ERG: variants seen among roughly 807,000 people sequenced by gnomAD.
The protein encoded by ERG is transcriptional regulator ERG.
A neutral mutation model predicts 55.3 loss-of-function variants in ERG; 9 were observed. That is an observed-to-expected ratio of 0.16 (90% CI 0.10 to 0.28). The LOEUF is 0.28. Ranked by LOEUF, ERG falls within the 10% of genes least tolerant of loss-of-function variation. The pLI is 1.00. For missense variants in ERG, 434 were observed against 631.6 expected (o/e 0.69, Z 3.35); for synonymous variants, 223 against 237.3 (o/e 0.94, Z 0.55).
At chr21:38,378,868 T>C (rs1987311336), downstream of ERG, among the ~76,000 whole-genome samples, 1 of 152,214 alleles carries the variant, frequency 6.6e-6, no homozygotes, top group South Asian at 2.1e-4. Flanking sequence ...GGAACAAGCA[T>C]TTGTTGCACC....
downstream of ERG, among the ~76,000 whole-genome samples, chr21:38,376,189 T>C (rs565098070): frequency 1.3e-5 from 2 of 152,338 alleles, no homozygotes; most frequent in African/African-American, 4.8e-5. Context: ...ATGCCCTATG[T>C]CACATTAGTG....
intron 3 of ERG, 92 bp downstream of exon 3, chr21:38,423,318 G>C (rs896753822): frequency 7.4e-7 from 1 of 1,356,816 alleles, no homozygotes; most frequent in Non-Finnish European, 1.0e-6. Context: ...TGTGATCAAT[G>C]CCACAGGTGG....
intron 1 of ERG, among the ~76,000 whole-genome samples, chr21:38,461,581 T>C (rs1211290136): frequency 1.3e-5 from 2 of 152,176 alleles, no homozygotes; most frequent in Non-Finnish European, 2.9e-5. Context: ...GCTCTGTAGG[T>C]CAGTCATTCT....
At chr21:38,433,656 G>A (rs1487257891) in intron 2 of ERG, among the ~76,000 whole-genome samples, 3 of 152,170 alleles carry the variant, frequency 2.0e-5, no homozygotes, top group Non-Finnish European at 4.4e-5. Context: ...CAGCCCTTGT[G>A]AGTGTGAATG....
chr21:38,552,289 T>C (rs1447369717), intron 2 of ERG, among the ~76,000 whole-genome samples: 3 of 152,124 alleles, frequency 2.0e-5, no homozygotes, highest in African/African-American at 7.2e-5. Flanking sequence ...ACTGAAACTA[T>C]TACAAAAGAT....
At chr21:38,384,327 C>T (rs1987592162) in intron 9 of ERG, among the ~76,000 whole-genome samples, 1 of 152,218 alleles carries the variant, frequency 6.6e-6, no homozygotes, top group Admixed American at 6.5e-5. Context: ...TTAGCGCTGC[C>T]CCTGCAGCAC....
At chr21:38,497,490 C>T (rs547174894) in intron 1 of ERG, among the ~76,000 whole-genome samples, 25 of 152,270 alleles carry the variant, frequency 1.6e-4, no homozygotes, top group Admixed American at 9.8e-4. Context: ...AACAACTGAA[C>T]GGACCCCCAT....
At chr21:38,389,929 G>A (rs540693811) in intron 9 of ERG, among the ~76,000 whole-genome samples, 1 of 152,064 alleles carries the variant, frequency 6.6e-6, no homozygotes, top group East Asian at 1.9e-4. Context: ...ATAACATTTC[G>A]TGTTTTCAAT....
In ERG at chr21:38,572,192, TA is replaced by T. The variant is rs11406884; in HGVS notation, c.-41+3469del. Among the ~76,000 whole-genome samples the T allele has an allele frequency of 1.3e-3, 166 of 130,566 alleles. No homozygotes were observed. In the East Asian group the frequency reaches 0.022, roughly 17 times the overall value. 85.7% of individuals were successfully genotyped at this position (130,566 alleles called of 152,430 possible). A position where few individuals can be genotyped will look rare whatever the true frequency, so the allele number is the denominator to read the frequency against. On this transcript the variant is annotated intron_variant, in intron 2 of 8. Transcript: ENST00000398897. ...TAACACGGTGAAACCCCGTCTCTAC[TA>T]AAAAAAAAAAAAAAAATGCAAAAAA...
At position 38,629,456 on chromosome 21, in the gene ERG, A is replaced by G. The variant is rs551547380; in HGVS notation, c.-150+32202T>C. On this transcript the variant is annotated intron_variant, in intron 1 of 10. Coordinates refer to the ERG transcript ENST00000398910. ...TTAAAAACAATGGTGGCTTAAAAAC[A>G]AACAACCCAACTCAAAAATGGGCAA... Among the ~76,000 whole-genome samples, 84 of 152,362 alleles carry G rather than the reference A, an allele frequency of 5.5e-4. 1 individual carries two copies. The South Asian group carries it at 0.016, about 29-fold the overall frequency.
Position 38,445,398 on chromosome 21 carries a change from C to T in ERG, c.236+6G>A. 6.2e-7 allele frequency: 1 copy of T among 1,611,810 alleles called. No individual in the cohort carries two copies. Among genetic ancestry groups the T allele is most frequent in the South Asian group, 1.1e-5 (1 of 90,978 alleles). ...CAGGGAGAGAAAGGGGCGGAAGTCTCCTTACCTTGAGCCATTCACCTGGCT... is the reference window on the plus strand; with the variant it reads ...CAGGGAGAGAAAGGGGCGGAAGTCTTCTTACCTTGAGCCATTCACCTGGCT... On this transcript the variant is annotated splice_donor_region_variant and intron_variant, in intron 2 of 9. Transcript: ENST00000288319.
chr21:38,488,331 G>A (rs915026004), intron 1 of ERG, among the ~76,000 whole-genome samples: 3 of 152,212 alleles, frequency 2.0e-5, no homozygotes, highest in African/African-American at 7.2e-5. Flanking sequence ...CGTGTGTACA[G>A]TGTGTAAACA....
intron 1 of ERG, among the ~76,000 whole-genome samples, chr21:38,653,583 T>C (rs1385891228): frequency 1.3e-5 from 2 of 152,142 alleles, no homozygotes; most frequent in African/African-American, 2.4e-5. Context: ...GTAAAAAGGG[T>C]GGTAGTTTTG....
At chr21:38,620,411 G>C (rs2060283445) in intron 1 of ERG, among the ~76,000 whole-genome samples, 1 of 152,164 alleles carries the variant, frequency 6.6e-6, no homozygotes, top group Non-Finnish European at 1.5e-5. Context: ...AAAATCCCCA[G>C]CACACTCTGC....
chr21:38,569,189 G>A (rs964674611), intron 2 of ERG, among the ~76,000 whole-genome samples: 4 of 152,208 alleles, frequency 2.6e-5, no homozygotes, highest in South Asian at 2.1e-4. Flanking sequence ...CCCCCAGTGG[G>A]GTACATGGAA....
chr21:38,544,866 C>A (rs2836499), intron 2 of ERG, among the ~76,000 whole-genome samples: 76,649 of 151,674 alleles, frequency 0.51, 20,676 homozygotes, highest in Non-Finnish European at 0.62. Context: ...TTCCCAGGAC[C>A]TTTATCAACT....
At chr21:38,535,446 T>A (rs1004853484) in intron 2 of ERG, among the ~76,000 whole-genome samples, 1 of 152,176 alleles carries the variant, frequency 6.6e-6, no homozygotes, top group Non-Finnish European at 1.5e-5. Context: ...AAAATAAAGA[T>A]TAAATTAAAA....
chr21:38,378,592 G>A (rs1987304220), downstream of ERG, among the ~76,000 whole-genome samples: 1 of 152,194 alleles, frequency 6.6e-6, no homozygotes, highest in African/African-American at 2.4e-5. Flanking sequence ...GACACTGACA[G>A]CCCCTACTTG....
intron 9 of ERG, among the ~76,000 whole-genome samples, chr21:38,385,404 TTAAC>T (rs1481046056): frequency 8.5e-5 from 13 of 152,222 alleles, no homozygotes; most frequent in Admixed American, 8.5e-4. Context: ...TAAAGTAACT[TTAAC>T]TGACATCTAC....
Sources: allele counts gnomAD v4.1 joint callset (sites outside exome capture counted in the v4.1 genomes callset), GRCh38; gene constraint gnomAD v4.1.1; transcripts MANE v1.5; gene names NCBI Gene and HGNC (gene_info 2026-07-23, HGNC 2026-07-21).